NUP210L: variants seen among roughly 807,000 people sequenced by gnomAD.
NUP210L encodes the protein nucleoporin 210 like.
In NUP210L, 74 loss-of-function variants were observed where a neutral mutation model predicts 208.5. That is an observed-to-expected ratio of 0.35 (90% CI 0.29 to 0.43). The LOEUF is 0.43. Among genes scored for constraint, NUP210L ranks in the 20% least tolerant of loss-of-function variants. The pLI is 1.00. For missense variants in NUP210L, 1,843 were observed against 2,289.4 expected, an observed-to-expected ratio of 0.81 and a Z score of 3.98; for synonymous variants, 780 against 816.9, an observed-to-expected ratio of 0.95 and a Z score of 0.77.
chr1:154,022,397 A>G, intron 31 of NUP210L, 54 bp from the exon 32 acceptor site: 1 of 1,438,382 alleles, frequency 7.0e-7, no homozygotes, highest in Non-Finnish European at 9.8e-7. Flanking sequence ...TAGTTAGAAA[A>G]TAGTTCTGGA....
intron 7 of NUP210L, among the ~76,000 whole-genome samples, chr1:154,132,088 T>C (rs1658290606): frequency 6.6e-6 from 1 of 152,250 alleles, no homozygotes; most frequent in Non-Finnish European, 1.5e-5. Flanking sequence ...ATTATAGGCA[T>C]GAGCCACTGT....
At chr1:154,046,467 T>A in intron 25 of NUP210L, 98 bp from the exon 26 acceptor site, 1 of 1,031,192 alleles carries the variant, frequency 9.7e-7, no homozygotes, top group Non-Finnish European at 1.5e-6. Flanking sequence ...GTTTTTAACA[T>A]TCAGTAAAAA....
At chr1:154,044,845 C>T (rs1442541739) in intron 27 of NUP210L, among the ~76,000 whole-genome samples, 1 of 152,104 alleles carries the variant, frequency 6.6e-6, no homozygotes, top group East Asian at 1.9e-4. Flanking sequence ...TAAAATTTGT[C>T]GGCAGCAAAC....
At chr1:154,101,337 G>A (rs1368107671) in intron 13 of NUP210L, among the ~76,000 whole-genome samples, 2 of 152,200 alleles carry the variant, frequency 1.3e-5, no homozygotes, top group African/African-American at 2.4e-5. Context: ...TTAGCCAGGT[G>A]TGGTGGCAGG....
intron 33 of NUP210L, among the ~76,000 whole-genome samples, chr1:154,013,620 A>C (rs995937462): frequency 2.6e-5 from 4 of 152,038 alleles, no homozygotes; most frequent in East Asian, 1.9e-4. Context: ...AAAACACACA[A>C]AAAAAACAAC....
chr1:154,061,183 G>T (rs1369101027), intron 18 of NUP210L, 137 bp from the exon 19 acceptor site: 2 of 579,312 alleles, frequency 3.5e-6, no homozygotes, highest in Non-Finnish European at 6.1e-6. Flanking sequence ...TTTGAGACCA[G>T]CTTGGCTAAC....
chr1:154,131,810 T>G (rs1658270677), intron 7 of NUP210L, among the ~76,000 whole-genome samples: 1 of 152,156 alleles, frequency 6.6e-6, no homozygotes, highest in Non-Finnish European at 1.5e-5. Context: ...CTTTTTTCTT[T>G]TTTTCTTTAG....
At chr1:154,000,791 A>T in intron 37 of NUP210L, 65 bp downstream of exon 37, 1 of 1,379,660 alleles carries the variant, frequency 7.2e-7, no homozygotes, top group Non-Finnish European at 1.0e-6. Flanking sequence ...GATGGGGGGT[A>T]CTAATGTAAT....
At chr1:154,067,406 A>C (rs1462693651) in intron 17 of NUP210L, among the ~76,000 whole-genome samples, 2 of 152,228 alleles carry the variant, frequency 1.3e-5, no homozygotes, top group Non-Finnish European at 2.9e-5. Context: ...CTTCATGCTA[A>C]AAACTCTTAT....
intron 27 of NUP210L, among the ~76,000 whole-genome samples, chr1:154,043,126 C>T (rs1424515350): frequency 6.7e-6 from 1 of 148,192 alleles, no homozygotes; most frequent in Non-Finnish European, 1.5e-5. Flanking sequence ...TTCAAGGAAT[C>T]CTCCTGCCTC....
intron 13 of NUP210L, among the ~76,000 whole-genome samples, chr1:154,103,664 T>TC (rs1656592237): frequency 9.5e-6 from 1 of 105,226 alleles, no homozygotes; most frequent in Admixed American, 1.4e-4. Context: ...AGAGCGAGAC[T>TC]CCGTCTCAAA....
intron 34 of NUP210L, among the ~76,000 whole-genome samples, chr1:154,011,984 A>G (rs548033263): frequency 1.3e-5 from 2 of 152,186 alleles, no homozygotes; most frequent in African/African-American, 4.8e-5. Context: ...TGCTGGGATT[A>G]TAGGTGTAAG....
chr1:153,999,469 G>A (rs577806871), intron 37 of NUP210L, among the ~76,000 whole-genome samples: 1 of 152,290 alleles, frequency 6.6e-6, no homozygotes, highest in Admixed American at 6.5e-5. Flanking sequence ...CGGGTGCGGT[G>A]GCTCATGCCT....
intron 35 of NUP210L, among the ~76,000 whole-genome samples, chr1:154,005,682 A>G (rs1046618861): frequency 6.7e-6 from 1 of 150,006 alleles, no homozygotes; most frequent in African/African-American, 2.5e-5. Flanking sequence ...GATTACAGGT[A>G]TGCAACACCA....
intron 12 of NUP210L, among the ~76,000 whole-genome samples, chr1:154,115,054 A>G (rs1005954141): frequency 2.0e-5 from 3 of 152,174 alleles, no homozygotes; most frequent in Admixed American, 6.6e-5. Context: ...TCTCAATACC[A>G]TCTCACTAGT....
chr1:154,074,668 T>C (rs888663216), intron 16 of NUP210L, among the ~76,000 whole-genome samples: 1 of 152,084 alleles, frequency 6.6e-6, no homozygotes, highest in Non-Finnish European at 1.5e-5. Flanking sequence ...TTTTGTGTAC[T>C]TTTAGTAGAG....
At chr1:154,073,645 T>G (rs1654882293) in intron 16 of NUP210L, among the ~76,000 whole-genome samples, 1 of 151,754 alleles carries the variant, frequency 6.6e-6, no homozygotes, top group South Asian at 2.1e-4. Context: ...CGAAACCCTG[T>G]CTCTACTAAA....
At chr1:154,024,863 G>A (rs1305131333) in intron 30 of NUP210L, among the ~76,000 whole-genome samples, 3 of 146,838 alleles carry the variant, frequency 2.0e-5, no homozygotes, top group Non-Finnish European at 3.0e-5. Flanking sequence ...ACACTCCTCC[G>A]ATACCAGTCC....
In NUP210L at chr1:154,146,496, G is replaced by A. The variant is rs545896714; in HGVS notation, c.341-2919C>T. ...AATAAAAAGAATCTAGCCAGGTATG[G>A]TGGCACCCATCTATGGTTCCAGCTA... is the stretch of plus-strand genomic sequence containing the variant. On this transcript the variant is annotated intron_variant, in intron 2 of 39. Transcript: ENST00000368559. 4.6e-5 allele frequency among the ~76,000 whole-genome samples: 7 copies of A among 152,030 alleles called. No individual in the cohort carries two copies. The South Asian group carries it at 8.3e-4, about 18-fold the overall frequency.
Sources: gnomAD v4.1 joint callset for allele counts (sites outside exome capture counted in the v4.1 genomes callset) on GRCh38, gnomAD v4.1.1 for gene constraint, MANE v1.5 for transcripts, NCBI Gene and HGNC (gene_info 2026-07-23, HGNC 2026-07-21) for gene names.